MEIS1: variants seen among roughly 807,000 people sequenced by gnomAD.
The protein encoded by MEIS1 is homeobox protein Meis1.
A neutral mutation model predicts 50.8 loss-of-function variants in MEIS1; 5 were observed. The ratio of observed to expected loss-of-function variants is 0.10; its 90% CI spans 0.05 to 0.21. The LOEUF (loss-of-function observed/expected upper bound fraction) is 0.21. Among genes scored for constraint, MEIS1 ranks in the 10% least tolerant of loss-of-function variants. The pLI, the probability that MEIS1 is intolerant of heterozygous loss-of-function variation, is 1.00. For synonymous variants in MEIS1, 176 were observed against 179.3 expected (o/e 0.98, Z 0.15); for missense variants, 318 against 517.3 (o/e 0.61, Z 3.74).
chr2:66,529,828 A>G (rs1397534574), intron 8 of MEIS1, among the ~76,000 whole-genome samples: 2 of 152,216 alleles, frequency 1.3e-5, no homozygotes, highest in African/African-American at 2.4e-5. Flanking sequence ...GTTTACATAT[A>G]CAATTGAATT....
intron 1 of MEIS1, among the ~76,000 whole-genome samples, chr2:66,436,618 T>G (rs928858834): frequency 6.6e-6 from 1 of 152,208 alleles, no homozygotes; most frequent in Admixed American, 6.5e-5. Flanking sequence ...AAGCCCTGTT[T>G]GCAAAAGAAA....
intron 7 of MEIS1, among the ~76,000 whole-genome samples, chr2:66,474,285 G>C (rs1672837955): frequency 6.6e-6 from 1 of 152,134 alleles, no homozygotes; most frequent in Non-Finnish European, 1.5e-5. Flanking sequence ...AGCAGCATCT[G>C]AGGATCTTTT....
At chr2:66,437,667 G>C in intron 1 of MEIS1, 70 bp from the exon 2 acceptor site, 1 of 1,405,570 alleles carries the variant, frequency 7.1e-7, no homozygotes, top group Non-Finnish European at 1.0e-6. Flanking sequence ...ATATAAGCTC[G>C]GTGCCTTGCC....
At chr2:66,540,044 A>C (rs1572890185) in intron 8 of MEIS1, among the ~76,000 whole-genome samples, 1 of 152,346 alleles carries the variant, frequency 6.6e-6, no homozygotes, top group East Asian at 1.9e-4. Flanking sequence ...AGGGCCGGAC[A>C]GACCTGGCAC....
chr2:66,435,956 T>TC (rs1671787409), intron 1 of MEIS1, 88 bp downstream of exon 1: 2 of 1,214,872 alleles, frequency 1.6e-6, no homozygotes, highest in Admixed American at 6.5e-5. Context: ...TTCCTTTTTT[T>TC]CTCTCTCTCT....
intron 7 of MEIS1, among the ~76,000 whole-genome samples, chr2:66,494,735 C>G (rs1673356812): frequency 6.6e-6 from 1 of 152,150 alleles, no homozygotes; most frequent in South Asian, 2.1e-4. Flanking sequence ...CTCGCTTGTT[C>G]CTCATAACAC....
chr2:66,441,480 T>G lies in MEIS1; in HGVS notation c.483+16T>G. On this transcript the variant is annotated intron_variant, in intron 5 of 12. Transcript: ENST00000272369. ...ATTAGAGAAGGTAATTTCTCTAGCCTCTTTTCCTTTTACTTACCCCTTACC... is the reference window on the plus strand; with the variant it reads ...ATTAGAGAAGGTAATTTCTCTAGCCGCTTTTCCTTTTACTTACCCCTTACC... 1 of 1,536,000 alleles carries G rather than the reference T, an allele frequency of 6.5e-7. No homozygotes were observed. Among genetic ancestry groups the G allele is most frequent in the South Asian group, 1.3e-5 (1 of 79,482 alleles).
chr2:66,513,986 C>G (rs1673901879), intron 8 of MEIS1, among the ~76,000 whole-genome samples: 1 of 152,176 alleles, frequency 6.6e-6, no homozygotes, highest in South Asian at 2.1e-4. Context: ...GATGCTGATG[C>G]AATGATGCTA....
At chr2:66,439,669 G>A in intron 2 of MEIS1, 174 bp from the exon 3 acceptor site, 1 of 1,539,448 alleles carries the variant, frequency 6.5e-7, no homozygotes, top group Non-Finnish European at 8.7e-7. Flanking sequence ...GGAGGAAGGG[G>A]AGGTGAGCGG....
intron 7 of MEIS1, among the ~76,000 whole-genome samples, chr2:66,479,935 C>T (rs539987638): frequency 6.6e-6 from 1 of 152,300 alleles, no homozygotes. Flanking sequence ...CCACTGACTT[C>T]AACTTTTGCT....
chr2:66,551,954 A>G lies in MEIS1; in HGVS notation c.965+3935A>G, dbSNP rs1253376404. ...CAATATGCAAATGTTTTAGTAATTT[A>G]AGTAGAAACATCTTAAATTTTGAGA... On this transcript the variant is annotated intron_variant, in intron 9 of 12. Coordinates refer to ENST00000272369, the MANE Select transcript of MEIS1 (RefSeq NM_002398.3). Among the ~76,000 whole-genome samples the G allele has an allele frequency of 5.9e-5, 9 of 152,168 alleles. No individual in the cohort carries two copies. In the South Asian group the frequency reaches 1.7e-3, roughly 28 times the overall value.
At chr2:66,570,982 A>G (rs1675471818) in intron 12 of MEIS1, 1 of 396,218 alleles carries the variant, frequency 2.5e-6, no homozygotes, top group Non-Finnish European at 4.5e-6. Context: ...CTCAAATAAC[A>G]ATTTTATTCT....
At chr2:66,465,929 T>C (rs545665870) in intron 7 of MEIS1, among the ~76,000 whole-genome samples, 1 of 152,328 alleles carries the variant, frequency 6.6e-6, no homozygotes, top group South Asian at 2.1e-4. Context: ...ATTTAATAAT[T>C]TGATTGTAAC....
intron 7 of MEIS1, among the ~76,000 whole-genome samples, chr2:66,483,341 TG>T (rs1343455570): frequency 6.6e-5 from 10 of 152,136 alleles, no homozygotes; most frequent in Admixed American, 5.9e-4. Context: ...CCCTGAGAGC[TG>T]GGATTACAGG....
chr2:66,439,626 C>G, intron 2 of MEIS1: 1 of 1,537,542 alleles, frequency 6.5e-7, no homozygotes, highest in African/African-American at 1.4e-5. Context: ...CAGATACCGT[C>G]CATGGCTCAG....
chr2:66,523,185 GT>G (rs1674168849), intron 8 of MEIS1, among the ~76,000 whole-genome samples: 1 of 152,184 alleles, frequency 6.6e-6, no homozygotes, highest in African/African-American at 2.4e-5. Flanking sequence ...TGCCGTTTAT[GT>G]ACTGATGGAT....
At chr2:66,441,054 A>AG in intron 4 of MEIS1, 2 of 333,404 alleles carry the variant, frequency 6.0e-6, no homozygotes, top group Non-Finnish European at 1.1e-5. Flanking sequence ...CCACAGTTTG[A>AG]GGGCCATTTG....
At chr2:66,440,479 A>G in intron 3 of MEIS1, 83 bp from the exon 4 acceptor site, 1 of 1,249,616 alleles carries the variant, frequency 8.0e-7, no homozygotes, top group Admixed American at 1.9e-5. Flanking sequence ...TGAGGCAAGA[A>G]ACTAGGAAGG....
At chr2:66,497,212 G>C (rs1045572894) in intron 7 of MEIS1, among the ~76,000 whole-genome samples, 1 of 152,194 alleles carries the variant, frequency 6.6e-6, no homozygotes, top group African/African-American at 2.4e-5. Context: ...TAAATGGAAA[G>C]GGTAGTGGTA....
Sources: allele counts gnomAD v4.1 joint callset (sites outside exome capture counted in the v4.1 genomes callset), GRCh38; gene constraint gnomAD v4.1.1; transcripts MANE v1.5; gene names NCBI Gene and HGNC (gene_info 2026-07-23, HGNC 2026-07-21).